OSBPL1A: variants seen among roughly 807,000 people sequenced by gnomAD.
OSBPL1A encodes the protein oxysterol-binding protein-related protein 1.
In OSBPL1A, 80 loss-of-function variants were observed where a neutral mutation model predicts 137.1. That is an observed-to-expected ratio of 0.58 (90% CI 0.49 to 0.70). OSBPL1A has a LOEUF of 0.70. Among genes scored for constraint, OSBPL1A ranks in the 30% least tolerant of loss-of-function variants. OSBPL1A has a pLI of 0.00. For missense variants in OSBPL1A, 970 were observed against 1,129.4 expected (o/e 0.86, Z 2.02); for synonymous variants, 365 against 389.7 (o/e 0.94, Z 0.75).
chr18:24,346,072 T>C lies in OSBPL1A; in HGVS notation c.283-4414A>G, dbSNP rs78422172. On this transcript the variant is annotated intron_variant, in intron 4 of 27. Coordinates refer to ENST00000319481, the MANE Select transcript of OSBPL1A (RefSeq NM_080597.4). Reference sequence around the variant, plus strand: ...GTATTCACTTTGAGCATGATACTTTTATTTTTTAATGGCTGCACAGAGTAT... The same window carrying C: ...GTATTCACTTTGAGCATGATACTTTCATTTTTTAATGGCTGCACAGAGTAT... Among the ~76,000 whole-genome samples, 407 of 152,324 alleles carry C rather than the reference T, an allele frequency of 2.7e-3. 1 individual carries two copies. The highest frequency in any genetic ancestry group is 6.8e-3 in the Middle Eastern group (2 of 294).
chr18:24,384,890 AAAAG>A (rs1906844664), intron 1 of OSBPL1A, among the ~76,000 whole-genome samples: 1 of 152,008 alleles, frequency 6.6e-6, no homozygotes, highest in Admixed American at 6.5e-5. Flanking sequence ...AAAAAAAGAA[AAAAG>A]AAAGAAAAAG....
At chr18:24,196,251 AGGAGGGAAGAACTGCTTTC>A in intron 17 of OSBPL1A, 51 bp from the exon 18 acceptor site, 1 of 1,303,840 alleles carries the variant, frequency 7.7e-7, no homozygotes, top group Non-Finnish European at 1.1e-6. Flanking sequence ...CATTGTCAGC[AGGAGGGAAGAACTGCTTTC>A]ATTCACATGA....
At chr18:24,255,942 G>A (rs1279228692) in intron 15 of OSBPL1A, among the ~76,000 whole-genome samples, 1 of 152,004 alleles carries the variant, frequency 6.6e-6, no homozygotes, top group Non-Finnish European at 1.5e-5. Context: ...TTACAGGCGT[G>A]CGCCACCACA....
In OSBPL1A at chr18:24,171,459, G is replaced by T; in HGVS notation, c.2241C>A (p.Gly747=). The T allele has an allele frequency of 6.2e-7, 1 of 1,613,434 alleles. No individual in the cohort carries two copies. The highest frequency in any genetic ancestry group is 8.5e-7 in the Non-Finnish European group (1 of 1,179,648). The change falls in exon 23 of 28, where the codon GGC becomes GGA. Residue 747 remains glycine, a synonymous_variant. Transcript: ENST00000319481. Reference sequence around the variant, plus strand: ...CTTTGTGTAATTCCTTACCAAAAAGGCCACATGGCTTAAAATTCAACACAC... The same window carrying T: ...CTTTGTGTAATTCCTTACCAAAAAGTCCACATGGCTTAAAATTCAACACAC... ...DKCVLNFKPC[G]LFGKELHKVE...
Position 24,175,104 on chromosome 18 carries a change from G to GTATA in OSBPL1A, c.2094-2622_2094-2621insTATA, listed in dbSNP as rs775433072. 8.3e-3 allele frequency among the ~76,000 whole-genome samples: 354 copies of GTATA among 42,542 alleles called. 10 individuals are homozygous for GTATA. Among genetic ancestry groups the GTATA allele is most frequent in the Middle Eastern group, 0.017 (2 of 120 alleles). 27.9% of individuals were successfully genotyped at this position (42,542 alleles called of 152,430 possible). A position where few individuals can be genotyped will look rare whatever the true frequency, so the allele number is the denominator to read the frequency against. On this transcript the variant is annotated intron_variant, in intron 21 of 27. Coordinates refer to ENST00000319481, the MANE Select transcript of OSBPL1A (RefSeq NM_080597.4). ...GACTTCATGTGCTTATTTGCCATGT[G>GTATA]TATGTATATATATATATATATATAT...
At chr18:24,397,252 C>T (rs953499976) in intron 1 of OSBPL1A, among the ~76,000 whole-genome samples, 6 of 152,226 alleles carry the variant, frequency 3.9e-5, no homozygotes, top group African/African-American at 1.4e-4. Context: ...CAATGCGTGA[C>T]TTCCATTGTG....
Position 24,239,218 on chromosome 18 carries a change from A to G in OSBPL1A, c.1444+2T>C. 6.2e-7 allele frequency: 1 copy of G among 1,613,018 alleles called. No individual in the cohort carries two copies. ...ATGCAGAGGGAAGGATCCCAGAGTTACCTGACAGCGCATCATAGAACTCGT... is the reference window on the plus strand; with the variant it reads ...ATGCAGAGGGAAGGATCCCAGAGTTGCCTGACAGCGCATCATAGAACTCGT... On this transcript the variant is annotated splice_donor_variant, in intron 16 of 27. Transcript: ENST00000319481. LOFTEE classifies it high-confidence loss of function.
chr18:24,373,981 T>G (rs1294869772), intron 2 of OSBPL1A, among the ~76,000 whole-genome samples: 1 of 152,062 alleles, frequency 6.6e-6, no homozygotes, highest in Non-Finnish European at 1.5e-5. Context: ...AGTAGATGAC[T>G]TTCTCCTAAT....
chr18:24,303,138 T>C (rs139220496), intron 14 of OSBPL1A, among the ~76,000 whole-genome samples: 1 of 152,194 alleles, frequency 6.6e-6, no homozygotes, highest in African/African-American at 2.4e-5. Context: ...GTAGCTGGGA[T>C]TACAAGCACG....
At chr18:24,298,286 T>C (rs2090329592) in intron 14 of OSBPL1A, among the ~76,000 whole-genome samples, 1 of 152,178 alleles carries the variant, frequency 6.6e-6, no homozygotes, top group African/African-American at 2.4e-5. Flanking sequence ...TCAGGGCTGC[T>C]CTGTCTATGG....
At position 24,250,174 on chromosome 18, in the gene OSBPL1A, G is replaced by GTTTTTTTTTTTTTTTTTTTTTTTTT. The variant is rs1233264916; in HGVS notation, c.1282-10793_1282-10792insAAAAAAAAAAAAAAAAAAAAAAAAA. On this transcript the variant is annotated intron_variant, in intron 15 of 27. Coordinates refer to ENST00000319481, the MANE Select transcript of OSBPL1A (RefSeq NM_080597.4). ...TGTGTTTTTGTTTGTTTGTTTGTTTGTTTGTTTGTTTGTTTTTTTTGACAT... is the reference window on the plus strand; with the variant it reads ...TGTGTTTTTGTTTGTTTGTTTGTTTGTTTTTTTTTTTTTTTTTTTTTTTTTTTTGTTTGTTTGTTTTTTTTGACAT... Among the ~76,000 whole-genome samples the GTTTTTTTTTTTTTTTTTTTTTTTTT allele has an allele frequency of 2.7e-5, 2 of 75,352 alleles. 1 individual carries two copies. 49.4% of individuals were successfully genotyped at this position (75,352 alleles called of 152,430 possible).
intron 17 of OSBPL1A, among the ~76,000 whole-genome samples, chr18:24,202,080 A>G (rs1199888378): frequency 1.3e-5 from 2 of 152,150 alleles, no homozygotes; most frequent in Non-Finnish European, 2.9e-5. Flanking sequence ...GTGCATGCAT[A>G]TATTTACTGA....
chr18:24,326,928 C>G (rs964772376), intron 7 of OSBPL1A, among the ~76,000 whole-genome samples: 2 of 152,190 alleles, frequency 1.3e-5, no homozygotes, highest in Non-Finnish European at 2.9e-5. Flanking sequence ...TTCCTCATTG[C>G]AACTATAACA....
intron 16 of OSBPL1A, among the ~76,000 whole-genome samples, chr18:24,237,489 G>A (rs1234028198): frequency 1.3e-5 from 2 of 152,108 alleles, no homozygotes; most frequent in Admixed American, 1.3e-4. Context: ...ATTTTCAGTA[G>A]AGACGGGGTT....
chr18:24,334,171 CAT>C, intron 6 of OSBPL1A, 72 bp downstream of exon 6: 1 of 1,216,528 alleles, frequency 8.2e-7, no homozygotes, highest in Non-Finnish European at 1.2e-6. Flanking sequence ...ATTTACTTAA[CAT>C]TAAGTAAAAA....
chr18:24,357,228 G>A (rs1458004271), intron 4 of OSBPL1A: 1 of 152,176 alleles, frequency 6.6e-6, no homozygotes, highest in Non-Finnish European at 1.5e-5. Flanking sequence ...AAAGGGGAAA[G>A]GGCAGGATAT....
intron 13 of OSBPL1A, among the ~76,000 whole-genome samples, chr18:24,308,016 C>G (rs1489522619): frequency 6.6e-6 from 1 of 152,072 alleles, no homozygotes; most frequent in Non-Finnish European, 1.5e-5. Flanking sequence ...GAACTCCTGG[C>G]CTCATGTGAT....
Position 24,225,124 on chromosome 18 carries a change from A to G in OSBPL1A, c.1519T>C (p.Leu507=). 6.2e-7 allele frequency: 1 copy of G among 1,614,134 alleles called. No homozygotes were observed. Among genetic ancestry groups the G allele is most frequent in the Non-Finnish European group, 8.5e-7 (1 of 1,180,004 alleles). ...ARSFEEEGEH[L]GSRKHRMSEE... ...GACATTCTGTGTTTTCTACTGCCCAAATGCTCTCCTTCCTCTTCAAAGGAG... is the reference window on the plus strand; with the variant it reads ...GACATTCTGTGTTTTCTACTGCCCAGATGCTCTCCTTCCTCTTCAAAGGAG... Residue 507 remains leucine, a synonymous_variant, in exon 17 of 28, where the codon TTG becomes CTG. Transcript: ENST00000319481.
intron 18 of OSBPL1A, among the ~76,000 whole-genome samples, chr18:24,189,611 C>T (rs1027842399): frequency 6.6e-6 from 1 of 152,218 alleles, no homozygotes; most frequent in African/African-American, 2.4e-5. Flanking sequence ...TTGAGGGCAT[C>T]GCAGGGCCAA....
Sources: allele counts gnomAD v4.1 joint callset (sites outside exome capture counted in the v4.1 genomes callset), GRCh38; gene constraint gnomAD v4.1.1; transcripts MANE v1.5; gene names NCBI Gene and HGNC (gene_info 2026-07-23, HGNC 2026-07-21).